CCBE1: variants seen among roughly 807,000 people sequenced by gnomAD.
The protein encoded by CCBE1 is collagen and calcium binding EGF domains 1, also known as collagen and calcium-binding EGF domain-containing protein 1.
A neutral mutation model predicts 50.0 loss-of-function variants in CCBE1; 37 were observed. The observed-to-expected ratio is 0.74, with a 90% CI of 0.57 to 0.97. The LOEUF (loss-of-function observed/expected upper bound fraction) is 0.97. Among genes scored for constraint, CCBE1 ranks in the 50% least tolerant of loss-of-function variants. The pLI, the probability that CCBE1 is intolerant of heterozygous loss-of-function variation, is 0.00. For synonymous variants in CCBE1, 234 were observed against 203.7 expected, an observed-to-expected ratio of 1.15 and a Z score of -1.27; for missense variants, 538 against 523.8, an observed-to-expected ratio of 1.03 and a Z score of -0.26.
intron 2 of CCBE1, among the ~76,000 whole-genome samples, chr18:59,491,170 A>G (rs1456471353): frequency 1.3e-5 from 2 of 152,220 alleles, no homozygotes; most frequent in East Asian, 1.9e-4. Context: ...CATAGCTTCA[A>G]GCATTAGCAT....
intron 2 of CCBE1, among the ~76,000 whole-genome samples, chr18:59,536,230 A>C (rs564182177): frequency 6.6e-6 from 1 of 152,318 alleles, no homozygotes; most frequent in South Asian, 2.1e-4. Context: ...CCGTCTTCTC[A>C]TCTGGTGTGC....
intron 2 of CCBE1, among the ~76,000 whole-genome samples, chr18:59,513,310 A>C (rs1914216054): frequency 1.3e-5 from 1 of 79,150 alleles, no homozygotes; most frequent in South Asian, 4.0e-4. Context: ...TCTCAAAAAA[A>C]CAAAACAAAA....
intron 2 of CCBE1, among the ~76,000 whole-genome samples, chr18:59,641,443 C>CT (rs1239201350): frequency 6.6e-6 from 1 of 152,034 alleles, no homozygotes; most frequent in Non-Finnish European, 1.5e-5. Flanking sequence ...CTGGGGCCTG[C>CT]TTGAGGGTGG....
At chr18:59,490,730 G>T (rs1313422023) in intron 2 of CCBE1, among the ~76,000 whole-genome samples, 2 of 152,166 alleles carry the variant, frequency 1.3e-5, no homozygotes, top group Admixed American at 1.3e-4. Context: ...CCACCATATG[G>T]TAATTATTAA....
intron 2 of CCBE1, among the ~76,000 whole-genome samples, chr18:59,658,245 T>A (rs1473891448): frequency 5.1e-5 from 7 of 137,218 alleles, no homozygotes; most frequent in Admixed American, 1.5e-4. Context: ...GGCTCACACT[T>A]TGGGGATGCC....
chr18:59,563,153 G>A (rs2052767599), intron 2 of CCBE1, among the ~76,000 whole-genome samples: 1 of 152,188 alleles, frequency 6.6e-6, no homozygotes, highest in South Asian at 2.1e-4. Flanking sequence ...AACTGCAGAG[G>A]TAAAGGTACA....
intron 5 of CCBE1, among the ~76,000 whole-genome samples, chr18:59,463,668 G>C (rs998025669): frequency 2.6e-5 from 4 of 152,230 alleles, no homozygotes; most frequent in African/African-American, 9.6e-5. Context: ...GGAACTCCTT[G>C]TGGGCGGGGC....
chr18:59,491,838 A>ATAAACAAAC (rs1555683264), intron 2 of CCBE1, among the ~76,000 whole-genome samples: 2 of 151,578 alleles, frequency 1.3e-5, no homozygotes, highest in Non-Finnish European at 2.9e-5. Flanking sequence ...AAACAAACAA[A>ATAAACAAAC]AAAAAACGTT....
chr18:59,457,020 C>T (rs946761335), intron 5 of CCBE1, among the ~76,000 whole-genome samples: 1 of 152,230 alleles, frequency 6.6e-6, no homozygotes, highest in Non-Finnish European at 1.5e-5. Context: ...TGCGTTTCCA[C>T]AAGTGACAGT....
chr18:59,540,613 T>G (rs1915430949), intron 2 of CCBE1, among the ~76,000 whole-genome samples: 1 of 152,230 alleles, frequency 6.6e-6, no homozygotes, highest in Non-Finnish European at 1.5e-5. Context: ...TTAACATGGC[T>G]GCTTCCACAA....
At position 59,431,425 on chromosome 18, in the gene CCBE1, A is replaced by C. The variant is rs1909943468; in HGVS notation, c.*4483T>G. On this transcript the variant is annotated 3_prime_UTR_variant, in exon 11 of 11. Transcript: ENST00000439986. ...GATTCCTCCAATAACTTTCCTTTTC[A>C]GGAAGGTTATTTGACAGATGTTAAG... 6.6e-6 allele frequency: 1 copy of C among 152,188 alleles called. No individual in the cohort carries two copies. Among genetic ancestry groups the C allele is most frequent in the African/African-American group, 2.4e-5 (1 of 41,436 alleles). 9.4% of individuals were successfully genotyped at this position (152,188 alleles called of 1,614,324 possible).
At chr18:59,541,895 G>A (rs1483768316) in intron 2 of CCBE1, among the ~76,000 whole-genome samples, 2 of 151,908 alleles carry the variant, frequency 1.3e-5, no homozygotes, top group Non-Finnish European at 2.9e-5. Context: ...AAATCTTTGT[G>A]GCCAAGCATG....
intron 2 of CCBE1, among the ~76,000 whole-genome samples, chr18:59,543,834 C>CAAAAAAAAAAAAAAAAAAAAAAAAAAAAA (rs10678902): frequency 2.9e-5 from 2 of 68,998 alleles, no homozygotes; most frequent in African/African-American, 1.4e-4. Context: ...GACTCCGTCT[C>CAAAAAAAAAAAAAAAAAAAAAAAAAAAAA]AAAAAAAAAA....
intron 7 of CCBE1, among the ~76,000 whole-genome samples, chr18:59,441,851 T>C (rs558827048): frequency 3.3e-5 from 5 of 151,920 alleles, no homozygotes; most frequent in Non-Finnish European, 7.4e-5. Context: ...CCAAAAGAGG[T>C]GAGATAATAT....
At chr18:59,553,035 G>A (rs1408319008) in intron 2 of CCBE1, among the ~76,000 whole-genome samples, 1 of 152,242 alleles carries the variant, frequency 6.6e-6, no homozygotes, top group African/African-American at 2.4e-5. Flanking sequence ...GTAAGAGGAG[G>A]AGGATCTCCT....
intron 2 of CCBE1, among the ~76,000 whole-genome samples, chr18:59,687,221 A>G (rs1347434558): frequency 6.6e-6 from 1 of 152,252 alleles, no homozygotes; most frequent in Admixed American, 6.5e-5. Context: ...ATGCCCTCCA[A>G]TCTTCGAGGA....
At chr18:59,477,921 G>A (rs186161289) in intron 3 of CCBE1, among the ~76,000 whole-genome samples, 1 of 152,310 alleles carries the variant, frequency 6.6e-6, no homozygotes, top group Admixed American at 6.5e-5. Flanking sequence ...CTAGGCCAAA[G>A]TGTCCAAATA....
intron 7 of CCBE1, among the ~76,000 whole-genome samples, chr18:59,442,120 A>G (rs776103224): frequency 3.9e-5 from 6 of 152,142 alleles, no homozygotes; most frequent in African/African-American, 1.4e-4. Context: ...ACCACAGATC[A>G]CCTATCTCCA....
chr18:59,536,595 G>T (rs1598989466), intron 2 of CCBE1, among the ~76,000 whole-genome samples: 1 of 152,136 alleles, frequency 6.6e-6, no homozygotes, highest in African/African-American at 2.4e-5. Context: ...CTTGGCAATG[G>T]TCATAGTGTA....
Sources: gnomAD v4.1 joint callset for allele counts (sites outside exome capture counted in the v4.1 genomes callset) on GRCh38, gnomAD v4.1.1 for gene constraint, MANE v1.5 for transcripts, NCBI Gene and HGNC (gene_info 2026-07-23, HGNC 2026-07-21) for gene names.